PSD3: variants seen among roughly 807,000 people sequenced by gnomAD.
The protein encoded by PSD3 is pleckstrin and Sec7 domain containing 3.
PSD3 carries 49 observed loss-of-function variants against 105.5 expected under a neutral mutation model. That is an observed-to-expected ratio of 0.46 (90% confidence interval 0.37 to 0.59). PSD3 has a LOEUF of 0.59. PSD3 is among the 20% of genes least tolerant of loss of function. PSD3 has a pLI of 0.00. For missense variants in PSD3, 1,561 were observed against 1,263.8 expected, an observed-to-expected ratio of 1.24 and a Z score of -3.57; for synonymous variants, 557 against 457.8, an observed-to-expected ratio of 1.22 and a Z score of -2.77.
chr8:18,689,750 T>A (rs1800870050), intron 9 of PSD3, among the ~76,000 whole-genome samples: 1 of 152,214 alleles, frequency 6.6e-6, no homozygotes, highest in Non-Finnish European at 1.5e-5. Flanking sequence ...GTTTGTCACG[T>A]AGCCCAACAT....
In PSD3 at chr8:18,668,261, T is replaced by C. The variant is rs552386116; in HGVS notation, c.2173-12576A>G. ...TGTCACCTCTCACTGTGATTAGAAA[T>C]TGTAAGGAGGAAACAGTAAGAATCA... On this transcript the variant is annotated intron_variant, in intron 9 of 15. Transcript: ENST00000327040. 9.3e-4 allele frequency among the ~76,000 whole-genome samples: 142 copies of C among 152,256 alleles called. 1 individual carries two copies. The highest frequency in any genetic ancestry group is 3.4e-3 in the Middle Eastern group (1 of 294).
intron 1 of PSD3, among the ~76,000 whole-genome samples, chr8:19,003,847 C>T (rs749878490): frequency 6.6e-6 from 1 of 151,952 alleles, no homozygotes; most frequent in East Asian, 1.9e-4. Context: ...ATCTCCCTGG[C>T]GAGGGATGTT....
intron 2 of PSD3, among the ~76,000 whole-genome samples, chr8:18,879,694 G>C (rs1321345066): frequency 6.6e-6 from 1 of 152,102 alleles, no homozygotes; most frequent in Non-Finnish European, 1.5e-5. Context: ...GTGCTTAAGT[G>C]ATCCTCCAGC....
chr8:19,006,770 T>G (rs924074220), intron 1 of PSD3, among the ~76,000 whole-genome samples: 1 of 152,104 alleles, frequency 6.6e-6, no homozygotes, highest in African/African-American at 2.4e-5. Context: ...ATACAGATGC[T>G]ATTCAGACAT....
At chr8:18,975,787 A>G (rs773560572) in intron 1 of PSD3, among the ~76,000 whole-genome samples, 1 of 152,196 alleles carries the variant, frequency 6.6e-6, no homozygotes, top group Non-Finnish European at 1.5e-5. Flanking sequence ...ACTAACTGCA[A>G]ATAAACATAT....
At chr8:19,072,670 G>A (rs532505038) in intron 1 of PSD3, among the ~76,000 whole-genome samples, 14 of 152,178 alleles carry the variant, frequency 9.2e-5, no homozygotes, top group Non-Finnish European at 1.8e-4. Flanking sequence ...TGGAACTGTT[G>A]GACCTGAAAG....
intron 2 of PSD3, among the ~76,000 whole-genome samples, chr8:18,902,360 T>G (rs757950615): frequency 1.3e-5 from 2 of 152,256 alleles, no homozygotes; most frequent in African/African-American, 2.4e-5. Context: ...AATTTCTCTC[T>G]CTTTGCTGAA....
At chr8:18,695,658 G>A (rs1801217003) in intron 9 of PSD3, among the ~76,000 whole-genome samples, 1 of 152,124 alleles carries the variant, frequency 6.6e-6, no homozygotes. Flanking sequence ...AACTTCTTGA[G>A]GACACCAATC....
chr8:18,600,701 C>T (rs1318190568), intron 11 of PSD3, among the ~76,000 whole-genome samples: 2 of 152,242 alleles, frequency 1.3e-5, no homozygotes, highest in African/African-American at 2.4e-5. Flanking sequence ...CAATAACTTG[C>T]TAATGGTCCC....
intron 15 of PSD3, 142 bp downstream of exon 15, chr8:18,556,067 T>G (rs1338688118): frequency 4.3e-6 from 4 of 925,150 alleles, no homozygotes. Context: ...GGGGCCACCA[T>G]GACCTTGCCA....
At chr8:18,910,496 G>C (rs1286940363) in intron 2 of PSD3, among the ~76,000 whole-genome samples, 1 of 102,662 alleles carries the variant, frequency 9.7e-6, no homozygotes, top group African/African-American at 3.8e-5. Context: ...GTGGGGTCGG[G>C]GGAGGGGGGA....
chr8:18,770,126 C>T (rs561340761), intron 8 of PSD3, among the ~76,000 whole-genome samples: 1 of 152,302 alleles, frequency 6.6e-6, no homozygotes, highest in South Asian at 2.1e-4. Context: ...TTCCCTCCAA[C>T]CTCACAGACA....
intron 9 of PSD3, among the ~76,000 whole-genome samples, chr8:18,684,845 T>C (rs1034240122): frequency 6.6e-6 from 1 of 152,328 alleles, no homozygotes; most frequent in East Asian, 1.9e-4. Flanking sequence ...AAGCCATCAA[T>C]GTTCTGTCAG....
In PSD3 at chr8:18,872,059, A is replaced by G. The variant is rs1163508592; in HGVS notation, c.805T>C (p.Leu269=). The G allele has an allele frequency of 1.2e-6, 2 of 1,614,158 alleles. No homozygotes were observed. Among genetic ancestry groups the G allele is most frequent in the East Asian group, 2.2e-5 (1 of 44,868 alleles). ...CCAAGAGCAGACCTCTGCTCTTTCA[A>G]GAAACCAACACTGCCTGCAGAGTGG... The part of the protein sequence containing the change: ...TCHSAGSVGF[L]KEQRSALGRE... The change falls in exon 3 of 16, where the codon TTG becomes CTG. Residue 269 remains leucine (L), a synonymous_variant. Transcript: ENST00000327040.
chr8:18,638,329 A>C (rs921248728), intron 10 of PSD3, among the ~76,000 whole-genome samples: 4 of 47,938 alleles, frequency 8.3e-5, no homozygotes, highest in Non-Finnish European at 1.7e-4. Context: ...ATTAGGCAAG[A>C]AAAAAAAAAA....
At chr8:18,954,936 A>G (rs80244996) in intron 1 of PSD3, among the ~76,000 whole-genome samples, 1,968 of 152,268 alleles carry the variant, frequency 0.013, 19 homozygotes, top group Middle Eastern at 0.041. Flanking sequence ...TCACGTTAGG[A>G]TGGACAGACG....
At chr8:18,861,524 C>G (rs1816449508) in intron 4 of PSD3, among the ~76,000 whole-genome samples, 1 of 152,150 alleles carries the variant, frequency 6.6e-6, no homozygotes, top group African/African-American at 2.4e-5. Context: ...CTCTTTATAT[C>G]TGATCACACT....
chr8:18,957,246 C>T (rs1823631021), intron 1 of PSD3, among the ~76,000 whole-genome samples: 2 of 152,006 alleles, frequency 1.3e-5, no homozygotes, highest in Non-Finnish European at 2.9e-5. Flanking sequence ...TGGCGCGCGC[C>T]TGTAGTCCCA....
chr8:18,611,185 C>G (rs934258191), intron 11 of PSD3, among the ~76,000 whole-genome samples: 4 of 148,132 alleles, frequency 2.7e-5, no homozygotes, highest in African/African-American at 1.0e-4. Flanking sequence ...ATTAATTCTG[C>G]TTATGAATAG....
Sources: gnomAD v4.1 joint callset for allele counts (sites outside exome capture counted in the v4.1 genomes callset) on GRCh38, gnomAD v4.1.1 for gene constraint, MANE v1.5 for transcripts, NCBI Gene and HGNC (gene_info 2026-07-23, HGNC 2026-07-21) for gene names.